The following ITPA variants were observed in gnomAD, a reference collection of about 807,000 sequenced individuals.
ITPA encodes the protein inosine triphosphatase.
A neutral mutation model predicts 29.6 loss-of-function variants in ITPA; 29 were observed. The observed-to-expected ratio is 0.98, with a 90% CI of 0.73 to 1.34. ITPA has a LOEUF of 1.34. Ranked by LOEUF, ITPA falls within the 40% of genes most tolerant of loss-of-function variation. The probability of loss-of-function intolerance (pLI) is 0.00; values close to 1 mark genes in which losing one functional copy is unlikely to be tolerated. For synonymous variants in ITPA, 103 were observed against 99.3 expected, an observed-to-expected ratio of 1.04 and a Z score of -0.22; for missense variants, 241 against 251.5, an observed-to-expected ratio of 0.96 and a Z score of 0.28.
At chr20:3,217,241 C>A (rs1008342746) in intron 5 of ITPA, among the ~76,000 whole-genome samples, 3 of 152,016 alleles carry the variant, frequency 2.0e-5, no homozygotes, top group African/African-American at 7.2e-5. Context: ...AGTAGAATAT[C>A]ATAATAGGAT....
chr20:3,225,986 G>A (rs576058019), downstream of ITPA, among the ~76,000 whole-genome samples: 2 of 152,200 alleles, frequency 1.3e-5, no homozygotes, highest in African/African-American at 2.4e-5. Flanking sequence ...CCGAGATCAC[G>A]CCCTTGCACA....
upstream of ITPA, chr20:3,204,505 A>G: frequency 2.0e-6 from 3 of 1,538,294 alleles, no homozygotes; most frequent in Non-Finnish European, 2.6e-6. Flanking sequence ...AAAACCCGGT[A>G]CCACCAACCC....
At chr20:3,220,056 AAAAAAAC>A (rs1316289777) in intron 6 of ITPA, among the ~76,000 whole-genome samples, 3 of 148,728 alleles carry the variant, frequency 2.0e-5, no homozygotes, top group African/African-American at 7.6e-5. Flanking sequence ...AAAAAAAAAA[AAAAAAAC>A]AAACCTTAAT....
intron 5 of ITPA, 83 bp from the exon 6 acceptor site, chr20:3,218,434 T>C: frequency 1.0e-6 from 1 of 990,860 alleles, no homozygotes; most frequent in South Asian, 1.3e-5. Flanking sequence ...AATTCCTCCC[T>C]CCCCACCCTT....
At chr20:3,207,648 C>G (rs958847665), upstream of ITPA, among the ~76,000 whole-genome samples, 1 of 151,490 alleles carries the variant, frequency 6.6e-6, no homozygotes, top group Admixed American at 6.6e-5. Flanking sequence ...GAGCCGAGAT[C>G]GTGCCACTGC....
upstream of ITPA, chr20:3,204,657 T>C (rs2067058532): frequency 6.4e-7 from 1 of 1,554,276 alleles, no homozygotes. Flanking sequence ...AACCACTGCG[T>C]CCACCCTGAG....
At chr20:3,218,164 C>T (rs2067359824) in intron 5 of ITPA, among the ~76,000 whole-genome samples, 1 of 151,640 alleles carries the variant, frequency 6.6e-6, no homozygotes, top group African/African-American at 2.4e-5. Context: ...ATAATCTGCC[C>T]GACCCGGCCT....
rs1414237015 is a variant in ITPA at position 3,218,555 on chromosome 20, G to A, written c.334G>A (p.Ala112Thr). Reference protein sequence around the residue: ...QLLAGFEDKSAYALCTFALST... With the variant: ...QLLAGFEDKSTYALCTFALST... The stretch of plus-strand genomic sequence containing the variant: ...CCTGGCCGGGTTCGAGGACAAGTCA[G>A]CCTATGCGCTCTGCACGTTTGCACT... Residue 112 changes from alanine (A) to threonine (T), a missense_variant, in exon 6 of 8, where the codon GCC becomes ACC. Transcript: ENST00000380113. 3 of 1,613,986 alleles carry A rather than the reference G, an allele frequency of 1.9e-6. No homozygotes were observed. Among genetic ancestry groups the A allele is most frequent in the Non-Finnish European group, 2.5e-6 (3 of 1,180,034 alleles).
downstream of ITPA, among the ~76,000 whole-genome samples, chr20:3,224,064 GC>G (rs1452942049): frequency 2.0e-5 from 3 of 152,184 alleles, no homozygotes; most frequent in Non-Finnish European, 4.4e-5. Flanking sequence ...GATCCATGCT[GC>G]CCCCCACCCG....
At chr20:3,207,274 A>G (rs578230236), upstream of ITPA, among the ~76,000 whole-genome samples, 1 of 152,248 alleles carries the variant, frequency 6.6e-6, no homozygotes, top group South Asian at 2.1e-4. Context: ...TATTTTTTGT[A>G]GAGACTGGGT....
chr20:3,205,871 G>T (rs116316064), upstream of ITPA, among the ~76,000 whole-genome samples: 1 of 151,248 alleles, frequency 6.6e-6, no homozygotes, highest in Non-Finnish European at 1.5e-5. Context: ...CCTAGCTGAC[G>T]TGATGAAATC....
chr20:3,216,319 C>T (rs2067297860), intron 5 of ITPA, among the ~76,000 whole-genome samples: 1 of 151,458 alleles, frequency 6.6e-6, no homozygotes, highest in Non-Finnish European at 1.5e-5. Flanking sequence ...GCCACCATGC[C>T]CAGCTAATTT....
chr20:3,226,900 C>A (rs142316045), downstream of ITPA, among the ~76,000 whole-genome samples: 12 of 152,314 alleles, frequency 7.9e-5, no homozygotes, highest in East Asian at 1.2e-3. The surrounding 1 kb of genome is among the most constrained non-coding windows in gnomAD (Gnocchi z 4.4). Flanking sequence ...ACTGCACCTT[C>A]TCCCTCCGTC....
rs556565777 is a variant in ITPA at position 3,218,602 on chromosome 20, G to T, written c.381G>T (p.Gln127His). The stretch of plus-strand genomic sequence containing the variant: ...CACTCAGCACCGGGGACCCAAGCCA[G>T]CCCGTGCGCCTGTTCAGGGGCCGGA... ...TFALSTGDPS[Q>H]PVRLFRGRTS... is the part of the protein sequence containing the mutation. Residue 127 changes from glutamine (Q) to histidine (H), a missense_variant, in exon 6 of 8, where the codon CAG (glutamine) becomes CAT (histidine). Gln to His is a conservative substitution (Grantham distance 24). Coordinates refer to ENST00000380113, the MANE Select transcript of ITPA (RefSeq NM_033453.4). The T allele has an allele frequency of 1.2e-6, 2 of 1,613,772 alleles. No homozygotes were observed. The highest frequency in any genetic ancestry group is 4.5e-5 in the East Asian group (2 of 44,878).
At chr20:3,226,439 T>C (rs910524168), downstream of ITPA, among the ~76,000 whole-genome samples, 4 of 152,162 alleles carry the variant, frequency 2.6e-5, no homozygotes, top group African/African-American at 9.7e-5. The surrounding 1 kb of genome is among the most constrained non-coding windows in gnomAD (Gnocchi z 4.4). Flanking sequence ...CATACCCACC[T>C]GGATTGGTTC....
chr20:3,224,809 A>G (rs1166988332), downstream of ITPA, among the ~76,000 whole-genome samples: 1 of 151,924 alleles, frequency 6.6e-6, no homozygotes, highest in East Asian at 1.9e-4. Flanking sequence ...GGGGCAGGGC[A>G]CCTCTCTGTG....
chr20:3,219,639 G>T (rs931821647), intron 6 of ITPA, among the ~76,000 whole-genome samples: 1 of 151,756 alleles, frequency 6.6e-6, no homozygotes, highest in Admixed American at 6.6e-5. Context: ...CAGCTACTGG[G>T]GAGGCTGAGG....
chr20:3,218,806 T>A, intron 6 of ITPA, 174 bp downstream of exon 6: 1 of 662,292 alleles, frequency 1.5e-6, no homozygotes. Context: ...CTGTGGATCC[T>A]AGGAGGGTGG....
Position 3,223,578 on chromosome 20 carries a change from G to A in ITPA, c.*116G>A. The A allele has an allele frequency of 1.2e-6, 1 of 801,102 alleles. No homozygotes were observed. Among genetic ancestry groups the A allele is most frequent in the Non-Finnish European group, 2.1e-6 (1 of 477,798 alleles). The allele number at this position is 801,102 out of a possible 1,614,324, so 49.6% of individuals were successfully genotyped here. ...TTCCTTCAGGGTTTCCCCTTTGTGA[G>A]GGTGTCGAGTAGCCTCACCGGCCTG... is the stretch of plus-strand genomic sequence containing the variant. On this transcript the variant is annotated 3_prime_UTR_variant, in exon 8 of 8. Coordinates refer to ENST00000380113, the MANE Select transcript of ITPA (RefSeq NM_033453.4).
Sources: allele counts gnomAD v4.1 joint callset (sites outside exome capture counted in the v4.1 genomes callset), GRCh38; gene constraint gnomAD v4.1.1; non-coding constraint Gnocchi (gnomAD v3.1); transcripts MANE v1.5; gene names NCBI Gene and HGNC (gene_info 2026-07-23, HGNC 2026-07-21).